The following IL1RAP variants were observed in gnomAD, a reference collection of about 807,000 sequenced individuals.
IL1RAP encodes the protein interleukin 1 receptor accessory protein, also known as interleukin-1 receptor accessory protein.
Under a neutral mutation model 60.7 loss-of-function variants are expected in IL1RAP, and 35 were observed. The observed-to-expected ratio is 0.58, with a 90% CI of 0.44 to 0.76. The LOEUF (loss-of-function observed/expected upper bound fraction) is 0.76. Among genes scored for constraint, IL1RAP ranks in the 30% least tolerant of loss-of-function variants. IL1RAP has a pLI of 0.00. For missense variants in IL1RAP, 572 were observed against 693.9 expected (o/e 0.82, Z 1.97); for synonymous variants, 268 against 250.9 (o/e 1.07, Z -0.64).
Position 190,651,254 on chromosome 3 carries a change from C to T in IL1RAP, c.*2549C>T. 2 of 970,226 alleles carry T rather than the reference C, an allele frequency of 2.1e-6. No homozygotes were observed. Among genetic ancestry groups the T allele is most frequent in the Non-Finnish European group, 2.5e-6 (2 of 816,204 alleles). 60.1% of individuals were successfully genotyped at this position (970,226 alleles called of 1,614,324 possible). A position where few individuals can be genotyped will look rare whatever the true frequency, so the allele number is the denominator to read the frequency against. On this transcript the variant is annotated 3_prime_UTR_variant, in exon 12 of 12. Transcript: ENST00000447382. ...CAAAGAACTGTGATATATAGAGTGTCTAATTACAAAATCATATACGATTTA... is the reference window on the plus strand; with the variant it reads ...CAAAGAACTGTGATATATAGAGTGTTTAATTACAAAATCATATACGATTTA...
intron 1 of IL1RAP, among the ~76,000 whole-genome samples, chr3:190,525,514 G>A (rs1209639552): frequency 6.6e-6 from 1 of 152,198 alleles, no homozygotes; most frequent in African/African-American, 2.4e-5. Flanking sequence ...GACAGAAGCA[G>A]GATGATGAGC....
intron 3 of IL1RAP, among the ~76,000 whole-genome samples, chr3:190,586,305 C>T (rs1372191310): frequency 6.6e-6 from 1 of 152,110 alleles, no homozygotes; most frequent in African/African-American, 2.4e-5. Flanking sequence ...TATCTTTATC[C>T]CTCGTTGGAG....
intron 3 of IL1RAP, chr3:190,564,653 G>T: frequency 3.1e-6 from 1 of 320,974 alleles, no homozygotes; most frequent in Non-Finnish European, 5.9e-6. Flanking sequence ...CTTACCTCAG[G>T]TCCTATGGGG....
At chr3:190,601,939 T>A (rs1276698627) in intron 3 of IL1RAP, among the ~76,000 whole-genome samples, 1 of 152,164 alleles carries the variant, frequency 6.6e-6, no homozygotes, top group Non-Finnish European at 1.5e-5. Context: ...CTTTTAACTC[T>A]TAAGTTTAGA....
chr3:190,647,864 ATT>A (rs1734145570), intron 11 of IL1RAP, among the ~76,000 whole-genome samples: 1 of 152,166 alleles, frequency 6.6e-6, no homozygotes, highest in African/African-American at 2.4e-5. Flanking sequence ...ATAAAATTCT[ATT>A]TTTTTGATTA....
Position 190,514,099 on chromosome 3 carries a change from G to A in IL1RAP, c.-209G>A, listed in dbSNP as rs1194405013. 2 of 152,520 alleles carry A rather than the reference G, an allele frequency of 1.3e-5. No individual in the cohort carries two copies. The highest frequency in any genetic ancestry group is 4.8e-5 in the African/African-American group (2 of 41,602). The allele number at this position is 152,520 out of a possible 1,614,324, so 9.4% of individuals were successfully genotyped here. On this transcript the variant is annotated 5_prime_UTR_variant, in exon 1 of 12. Coordinates refer to ENST00000447382, the MANE Select transcript of IL1RAP (RefSeq NM_002182.4). ...GGAAAGTAAGAGGCTCACTGGGGAA[G>A]ACTGCCGGGATCCAGGTCTCCGGGG...
chr3:190,597,541 G>C (rs1729487581), intron 3 of IL1RAP, among the ~76,000 whole-genome samples: 1 of 152,074 alleles, frequency 6.6e-6, no homozygotes, highest in South Asian at 2.1e-4. Context: ...TCCATTTCAG[G>C]GAAAGAGAGC....
intron 9 of IL1RAP, among the ~76,000 whole-genome samples, chr3:190,643,361 T>A (rs931322198): frequency 6.6e-6 from 1 of 152,208 alleles, no homozygotes; most frequent in Non-Finnish European, 1.5e-5. Context: ...ATCTTCCTGA[T>A]GTTTTTGATG....
chr3:190,620,203 G>C (rs915074027), intron 5 of IL1RAP, 72 bp from the exon 6 acceptor site: 7 of 762,888 alleles, frequency 9.2e-6, no homozygotes, highest in African/African-American at 1.8e-5. Flanking sequence ...TTAGATGTGA[G>C]TGTGCGTGTG....
chr3:190,539,462 T>G (rs1398582227), intron 1 of IL1RAP, among the ~76,000 whole-genome samples: 1 of 152,116 alleles, frequency 6.6e-6, no homozygotes, highest in Non-Finnish European at 1.5e-5. Flanking sequence ...TCTCCAAGTA[T>G]CTCCATCTTC....
intron 2 of IL1RAP, among the ~76,000 whole-genome samples, chr3:190,558,126 A>C (rs1725581384): frequency 6.6e-6 from 1 of 152,222 alleles, no homozygotes; most frequent in African/African-American, 2.4e-5. Flanking sequence ...CTCATTGCTT[A>C]GTATTGCTGA....
chr3:190,615,724 G>GTGAAATTAATCAGAAT (rs11273559), intron 5 of IL1RAP, among the ~76,000 whole-genome samples: 133,081 of 151,994 alleles, frequency 0.88, 58,440 homozygotes, highest in East Asian at 1. Flanking sequence ...CATTTTTATT[G>GTGAAATTAATCAGAAT]TGGTCAAGCA....
chr3:190,655,398 G>A (rs1734581239), downstream of IL1RAP, among the ~76,000 whole-genome samples: 1 of 152,062 alleles, frequency 6.6e-6, no homozygotes, highest in Non-Finnish European at 1.5e-5. Context: ...TATAAAAATG[G>A]TTTTCAAATA....
rs534128787 is a variant in IL1RAP, at chr3:190,612,545, G to C, written c.537+3364G>C. Among the ~76,000 whole-genome samples, 88 of 151,916 alleles carry C rather than the reference G, an allele frequency of 5.8e-4. 1 individual carries two copies. Among genetic ancestry groups the C allele is most frequent in the Non-Finnish European group, 1.5e-4 (10 of 67,954 alleles). On this transcript the variant is annotated intron_variant, in intron 5 of 11. Transcript: ENST00000447382. The stretch of plus-strand genomic sequence containing the variant: ...AATCATATTTCTCTCATGTATTCCT[G>C]TTTATTTATACCTGTTTCAATATTA...
intron 1 of IL1RAP, among the ~76,000 whole-genome samples, chr3:190,552,409 C>A (rs1263729409): frequency 5.3e-5 from 8 of 152,138 alleles, no homozygotes; most frequent in Non-Finnish European, 1.2e-4. Context: ...TTTTTACACT[C>A]CTTCTACTGC....
chr3:190,516,027 A>C (rs1721482196), intron 1 of IL1RAP, among the ~76,000 whole-genome samples: 1 of 152,160 alleles, frequency 6.6e-6, no homozygotes, highest in Admixed American at 6.5e-5. Flanking sequence ...AATTGATTTT[A>C]TTCTGATGAA....
At chr3:190,536,101 T>G (rs1398771147) in intron 1 of IL1RAP, among the ~76,000 whole-genome samples, 1 of 152,116 alleles carries the variant, frequency 6.6e-6, no homozygotes, top group Non-Finnish European at 1.5e-5. Context: ...CAGTTTTTGC[T>G]TGTTGGGTTT....
chr3:190,524,867 T>TAC (rs1722375380), intron 1 of IL1RAP, among the ~76,000 whole-genome samples: 1 of 152,162 alleles, frequency 6.6e-6, no homozygotes, highest in Non-Finnish European at 1.5e-5. Context: ...TATGCGCATA[T>TAC]ACACACATAT....
At chr3:190,520,542 A>G (rs929194330) in intron 1 of IL1RAP, 3 of 152,192 alleles carry the variant, frequency 2.0e-5, no homozygotes, top group Admixed American at 6.5e-5. Context: ...CCGTTTGCAT[A>G]TATTGACAGC....
Sources: gnomAD v4.1 joint callset for allele counts (sites outside exome capture counted in the v4.1 genomes callset) on GRCh38, gnomAD v4.1.1 for gene constraint, MANE v1.5 for transcripts, NCBI Gene and HGNC (gene_info 2026-07-23, HGNC 2026-07-21) for gene names.